PRAG1: variants seen among roughly 807,000 people sequenced by gnomAD.
PRAG1 encodes inactive tyrosine-protein kinase PRAG1.
PRAG1 carries 110 observed loss-of-function variants against 95.6 expected under a neutral mutation model. That is an observed-to-expected ratio of 1.15 (90% CI 0.99 to 1.35). The LOEUF (loss-of-function observed/expected upper bound fraction) is 1.35. Among genes scored for constraint, PRAG1 ranks in the 40% most tolerant of loss-of-function variants. The pLI is 0.00. For missense variants in PRAG1, 2,554 were observed against 1,864.7 expected (o/e 1.37, Z -6.81); for synonymous variants, 1,052 against 819.4 (o/e 1.28, Z -4.85).
At chr8:8,381,028 T>C (rs887818184) in intron 2 of PRAG1, among the ~76,000 whole-genome samples, 18 of 151,774 alleles carry the variant, frequency 1.2e-4, no homozygotes, top group African/African-American at 4.4e-4. Context: ...TGGTCAGGAG[T>C]TGATGGTTGC....
At chr8:8,355,100 C>G (rs1458293513) in intron 3 of PRAG1, among the ~76,000 whole-genome samples, 2 of 151,222 alleles carry the variant, frequency 1.3e-5, no homozygotes, top group Non-Finnish European at 3.0e-5. Context: ...CACACAAAAA[C>G]CAGTAGCATT....
chr8:8,359,868 C>A lies in PRAG1; in HGVS notation c.2162+16379G>T, dbSNP rs58162948. Reference sequence around the variant, plus strand: ...ACCTAATTTATCATTAAATCCCTTACTAACAAATTGGTTCCTGCTTCAGGA... The same window carrying A: ...ACCTAATTTATCATTAAATCCCTTAATAACAAATTGGTTCCTGCTTCAGGA... On this transcript the variant is annotated intron_variant, in intron 3 of 5. Coordinates refer to ENST00000615670, the MANE Select transcript of PRAG1 (RefSeq NM_001080826.3). Among the ~76,000 whole-genome samples, 1,145 of 152,322 alleles carry A rather than the reference C, an allele frequency of 7.5e-3. 12 individuals carry two copies. The highest frequency in any genetic ancestry group is 0.026 in the African/African-American group (1,093 of 41,574).
chr8:8,354,396 T>C (rs903789519), intron 3 of PRAG1, among the ~76,000 whole-genome samples: 2 of 151,050 alleles, frequency 1.3e-5, no homozygotes, highest in African/African-American at 4.9e-5. Context: ...AAAAAAATAA[T>C]AATAAAGCTA....
intron 3 of PRAG1, among the ~76,000 whole-genome samples, chr8:8,344,677 T>C (rs1799276684): frequency 6.6e-6 from 1 of 152,206 alleles, no homozygotes; most frequent in South Asian, 2.1e-4. Context: ...CTTGGAATAT[T>C]TGATACACTA....
Position 8,328,247 on chromosome 8 carries a change from G to A in PRAG1, c.2535C>T (p.Pro845=). Residue 845 remains proline, a synonymous_variant, in exon 5 of 6, where the codon CCC becomes CCT. Transcript: ENST00000615670. ...QGSPKPGTAS[P]KLNLSHSETN... is the part of the protein sequence containing the mutation. ...TTTCCGAGTGGCTTAGGTTCAGCTT[G>A]GGGCTTGCTGTTCCGGGCTTGGGGG... 6.2e-7 allele frequency: 1 copy of A among 1,614,234 alleles called. No individual in the cohort carries two copies. Among genetic ancestry groups the A allele is most frequent in the Non-Finnish European group, 8.5e-7 (1 of 1,180,040 alleles).
intron 4 of PRAG1, among the ~76,000 whole-genome samples, chr8:8,337,921 A>G (rs1329690228): frequency 6.6e-6 from 1 of 152,034 alleles, no homozygotes; most frequent in Non-Finnish European, 1.5e-5. Context: ...GCCGGTGTCT[A>G]TTGAAGCATG....
intron 2 of PRAG1, among the ~76,000 whole-genome samples, chr8:8,379,384 C>G (rs1245390941): frequency 6.6e-6 from 1 of 152,140 alleles, no homozygotes; most frequent in East Asian, 1.9e-4. Flanking sequence ...TTAGAAGCAG[C>G]CTCAAAGCAG....
intron 3 of PRAG1, among the ~76,000 whole-genome samples, chr8:8,359,221 T>C (rs1232105671): frequency 6.6e-6 from 1 of 152,224 alleles, no homozygotes; most frequent in African/African-American, 2.4e-5. Flanking sequence ...ACTGTTTTAA[T>C]ATTTCTTGGC....
rs775557807 is a variant in PRAG1, at chr8:8,377,600, G to C, written c.809C>G (p.Ser270Cys). Residue 270 changes from serine to cysteine, a missense_variant, in exon 3 of 6, where the codon TCC (serine) becomes TGC (cysteine). By Grantham distance (112) the Ser-to-Cys change is moderately radical (BLOSUM62 -1). Transcript: ENST00000615670. ...CPGSPVAKAA[S>C]QTAGSRGRHG... ...CCTGCCCCGGGAACCTGCAGTCTGG[G>C]AGGCAGCCTTGGCAACAGGGCTCCC... The C allele has an allele frequency of 1.9e-6, 3 of 1,613,074 alleles. No homozygotes were observed. In the Admixed American group the frequency reaches 5.0e-5, roughly 27 times the overall value.
At chr8:8,379,667 G>T (rs944199444) in intron 2 of PRAG1, among the ~76,000 whole-genome samples, 7 of 152,174 alleles carry the variant, frequency 4.6e-5, no homozygotes, top group Admixed American at 3.9e-4. Flanking sequence ...AAGAAAACTA[G>T]AACAGGCAAA....
chr8:8,377,873 G>A lies in PRAG1; in HGVS notation c.536C>T (p.Pro179Leu), dbSNP rs936840645. 26 of 1,614,000 alleles carry A rather than the reference G, an allele frequency of 1.6e-5. No homozygotes were observed. The highest frequency in any genetic ancestry group is 1.6e-4 in the Middle Eastern group (1 of 6,084). ...PRGERNIAFH[P>L]VSFPEEKAVH... ...AGCCTTCTCCTCCGGGAAGCTCACC[G>A]GGTGGAAGGCAATGTTCCTCTCGCC... The change falls in exon 3 of 6, where the codon CCG becomes CTG. Residue 179 changes from proline (P) to leucine (L), a missense_variant. By Grantham distance (98) the Pro-to-Leu change is moderately conservative (BLOSUM62 -3). Transcript: ENST00000615670.
intron 5 of PRAG1, among the ~76,000 whole-genome samples, chr8:8,321,812 T>C (rs1173785289): frequency 2.0e-5 from 3 of 152,212 alleles, no homozygotes; most frequent in African/African-American, 4.8e-5. Context: ...ATTTTCATTA[T>C]TTGCAGGAGT....
chr8:8,379,801 C>A (rs1175569677), intron 2 of PRAG1, among the ~76,000 whole-genome samples: 1 of 152,174 alleles, frequency 6.6e-6, no homozygotes, highest in Non-Finnish European at 1.5e-5. Context: ...GTAAAGGTTA[C>A]CTGTGGAATG....
In PRAG1 at chr8:8,345,510, G is replaced by C. The variant is rs545358598; in HGVS notation, c.2163-5875C>G. On this transcript the variant is annotated intron_variant, in intron 3 of 5. Transcript: ENST00000615670. Reference sequence around the variant, plus strand: ...TTTTGCTTAATAGCAAAATCTTAAGGCTGGGCACAGTGGCTCACACTTGTA... The same window carrying C: ...TTTTGCTTAATAGCAAAATCTTAAGCCTGGGCACAGTGGCTCACACTTGTA... Among the ~76,000 whole-genome samples the C allele has an allele frequency of 7.9e-5, 12 of 152,148 alleles. No individual in the cohort carries two copies. In the East Asian group the frequency reaches 1.2e-3, roughly 15 times the overall value.
chr8:8,319,053 C>T lies in PRAG1; in HGVS notation c.3322G>A (p.Ala1108Thr). ...TCGGGCTCCGCCTGGTGGCTGGCCG[C>T]CGAGTCCCGCACGAAGTCGGAGGCG... ...QTASDFVRDS[A>T]ASHQAEPEAY... Residue 1108 changes from alanine (A) to threonine (T), a missense_variant, in exon 6 of 6, where the codon GCG becomes ACG. By Grantham distance (58) the Ala-to-Thr change is moderately conservative. Coordinates refer to ENST00000615670, the MANE Select transcript of PRAG1 (RefSeq NM_001080826.3). 3 of 1,612,520 alleles carry T rather than the reference C, an allele frequency of 1.9e-6. No individual in the cohort carries two copies. The highest frequency in any genetic ancestry group is 1.7e-6 in the Non-Finnish European group (2 of 1,179,788).
intron 4 of PRAG1, among the ~76,000 whole-genome samples, chr8:8,334,595 T>A (rs377677316): frequency 5.4e-4 from 82 of 151,086 alleles, no homozygotes; most frequent in African/African-American, 2.0e-3. Context: ...CAGGAAACAA[T>A]AATCAAGATG....
intron 1 of PRAG1, 25 bp from the exon 2 acceptor site, chr8:8,381,859 AT>A: frequency 1.2e-6 from 1 of 814,022 alleles, no homozygotes; most frequent in Non-Finnish European, 1.9e-6. Context: ...CAGTTTCCTG[AT>A]TAGAGATTTG....
intron 3 of PRAG1, among the ~76,000 whole-genome samples, chr8:8,358,299 C>A (rs897253041): frequency 5.3e-5 from 8 of 152,162 alleles, no homozygotes; most frequent in African/African-American, 1.7e-4. Context: ...TCTGACAAAC[C>A]ACCCTCAAGG....
chr8:8,359,290 G>C (rs548016273), intron 3 of PRAG1, among the ~76,000 whole-genome samples: 1 of 152,302 alleles, frequency 6.6e-6, no homozygotes, highest in South Asian at 2.1e-4. Flanking sequence ...GTGGAGGAGA[G>C]TTAAGATGGG....
Sources: allele counts gnomAD v4.1 joint callset (sites outside exome capture counted in the v4.1 genomes callset), GRCh38; gene constraint gnomAD v4.1.1; transcripts MANE v1.5; gene names NCBI Gene and HGNC (gene_info 2026-07-23, HGNC 2026-07-21).